ZNF180: variants seen among roughly 807,000 people sequenced by gnomAD.
The protein encoded by ZNF180 is zinc finger protein 180 (HHZ168).
In ZNF180, 11 loss-of-function variants were observed where a neutral mutation model predicts 11.8. The observed-to-expected ratio is 0.93, with a 90% CI of 0.59 to 1.55. ZNF180 has a LOEUF of 1.55. Among genes scored for constraint, ZNF180 ranks in the 40% most tolerant of loss-of-function variants. ZNF180 has a pLI of 0.00. For missense variants in ZNF180, 773 were observed against 781.7 expected (o/e 0.99, Z 0.13); for synonymous variants, 287 against 257.7 (o/e 1.11, Z -1.09).
intron 4 of ZNF180, 28 bp downstream of exon 4, chr19:44,479,255 T>C (rs373209272): frequency 6.2e-7 from 1 of 1,600,718 alleles, no homozygotes; most frequent in Non-Finnish European, 8.5e-7. Flanking sequence ...AGTAGATGGA[T>C]CTTCATTAAA....
At chr19:44,487,101 G>A (rs1052471198) in intron 2 of ZNF180, among the ~76,000 whole-genome samples, 5 of 152,150 alleles carry the variant, frequency 3.3e-5, no homozygotes, top group Non-Finnish European at 7.3e-5. Flanking sequence ...TGTGCCTACA[G>A]TCCCAGCTAC....
At chr19:44,490,110 G>C (rs1471239618) in intron 2 of ZNF180, among the ~76,000 whole-genome samples, 2 of 76,646 alleles carry the variant, frequency 2.6e-5, no homozygotes, top group African/African-American at 8.8e-5. Context: ...GAAAGGAAGG[G>C]AAAGAAAGAG....
At chr19:44,481,748 T>G (rs1970085783) in intron 3 of ZNF180, among the ~76,000 whole-genome samples, 1 of 152,226 alleles carries the variant, frequency 6.6e-6, no homozygotes, top group Non-Finnish European at 1.5e-5. Flanking sequence ...ATTTCACAAA[T>G]TATTTCAGTA....
chr19:44,477,147 G>T lies in ZNF180; in HGVS notation c.1253C>A (p.Ser418Ter), dbSNP rs1969922470. The T allele has an allele frequency of 6.2e-7, 1 of 1,613,158 alleles. No individual in the cohort carries two copies. Among genetic ancestry groups the T allele is most frequent in the Non-Finnish European group, 8.5e-7 (1 of 1,179,228 alleles). The change falls in exon 5 of 5, where the codon TCA becomes TAA. Residue 418 changes from serine (S) to a stop codon, truncating the protein, a stop_gained. Transcript: ENST00000592529. LOFTEE classifies it low-confidence loss of function (END_TRUNC). ...AATAAGTTTATAGCTCTGCCTGAAT[G>T]ACTTTCCACACTGATTGCATTCATA... ...KPYECNQCGKSFRQSYKLIAH... is the reference protein window; with the variant it reads ...KPYECNQCGK
At chr19:44,489,131 C>T (rs1323662365) in intron 2 of ZNF180, among the ~76,000 whole-genome samples, 2 of 146,722 alleles carry the variant, frequency 1.4e-5, no homozygotes, top group Middle Eastern at 3.5e-3. Context: ...CCCGGCCAGC[C>T]GCCCCGTCCG....
At chr19:44,482,080 T>C (rs556196625) in intron 3 of ZNF180, among the ~76,000 whole-genome samples, 29 of 152,222 alleles carry the variant, frequency 1.9e-4, no homozygotes, top group African/African-American at 6.7e-4. Flanking sequence ...CTGAGGTGGG[T>C]GGATCATTTC....
chr19:44,484,297 T>C, intron 3 of ZNF180, 64 bp downstream of exon 3: 1 of 1,393,300 alleles, frequency 7.2e-7, no homozygotes, highest in South Asian at 1.2e-5. Context: ...ATTTCCTCAC[T>C]TTCTACTCAC....
chr19:44,488,423 C>T (rs1236850285), intron 2 of ZNF180, among the ~76,000 whole-genome samples: 1 of 152,102 alleles, frequency 6.6e-6, no homozygotes, highest in Non-Finnish European at 1.5e-5. Flanking sequence ...CGCCGCCACG[C>T]CTGACTGGTT....
At position 44,476,975 on chromosome 19, in the gene ZNF180, A is replaced by G. The variant is rs1969910142; in HGVS notation, c.1425T>C (p.Phe475=). ...PYECNQCGKS[F]SQSYKLVAHQ... ...GAGCAACAAGTTTATAACTTTGACT[A>G]AAGGATTTCCCACACTGATTGCATT... is the stretch of plus-strand genomic sequence containing the variant. The change falls in exon 5 of 5, where the codon TTT becomes TTC. Residue 475 remains phenylalanine (F), a synonymous_variant. Coordinates refer to ENST00000592529, the MANE Select transcript of ZNF180 (RefSeq NM_001278509.3). The G allele has an allele frequency of 1.9e-6, 3 of 1,613,256 alleles. No homozygotes were observed. Among genetic ancestry groups the G allele is most frequent in the East Asian group, 2.2e-5 (1 of 44,786 alleles).
intron 1 of ZNF180, 155 bp downstream of exon 1, chr19:44,500,120 T>A: frequency 1.3e-6 from 2 of 1,599,344 alleles, no homozygotes; most frequent in Non-Finnish European, 1.7e-6. Flanking sequence ...TACAGCTGTA[T>A]CAGTAACTCC....
At chr19:44,482,152 A>C (rs1258435388) in intron 3 of ZNF180, among the ~76,000 whole-genome samples, 2 of 152,100 alleles carry the variant, frequency 1.3e-5, no homozygotes, top group African/African-American at 4.8e-5. Flanking sequence ...CTAAAAACAC[A>C]AAAAATTAGC....
intron 2 of ZNF180, among the ~76,000 whole-genome samples, chr19:44,491,211 G>A (rs555756786): frequency 2.4e-4 from 36 of 152,342 alleles, no homozygotes; most frequent in African/African-American, 8.7e-4. Flanking sequence ...CTAAAGCAAA[G>A]CTGAGCTCAA....
At chr19:44,479,832 T>C (rs1051162419) in intron 3 of ZNF180, among the ~76,000 whole-genome samples, 1 of 152,204 alleles carries the variant, frequency 6.6e-6, no homozygotes, top group African/African-American at 2.4e-5. Flanking sequence ...CCATACAGTC[T>C]CTATCACACT....
chr19:44,476,515 T>C lies in ZNF180; in HGVS notation c.1885A>G (p.Thr629Ala), dbSNP rs777540980. Residue 629 changes from threonine (T) to alanine (A), a missense_variant, in exon 5 of 5, where the codon ACT becomes GCT. Thr to Ala is a moderately conservative substitution (Grantham distance 58). Transcript: ENST00000592529. ...ATACATGTAAAGGGTTTCTCTCCAG[T>C]ATGAGTTCTTTGATGCACAATAAGT... is the stretch of plus-strand genomic sequence containing the variant. ...ARLIVHQRTH[T>A]GEKPFTCIQC... 6.2e-7 allele frequency: 1 copy of C among 1,614,164 alleles called. No homozygotes were observed. The highest frequency in any genetic ancestry group is 1.1e-5 in the South Asian group (1 of 91,076).
At chr19:44,489,214 G>A (rs1393825991) in intron 2 of ZNF180, among the ~76,000 whole-genome samples, 3 of 60,840 alleles carry the variant, frequency 4.9e-5, no homozygotes, top group Non-Finnish European at 8.3e-5. Flanking sequence ...GCCTCTGCCC[G>A]GCCACCACCC....
In ZNF180 at chr19:44,476,237, C is replaced by A. The variant is rs996001660; in HGVS notation, c.*165G>T. 1.7e-5 allele frequency: 11 copies of A among 634,724 alleles called. 1 individual carries two copies. Among genetic ancestry groups the A allele is most frequent in the African/African-American group, 1.5e-4 (8 of 53,672 alleles). 39.3% of individuals were successfully genotyped at this position (634,724 alleles called of 1,614,324 possible). On this transcript the variant is annotated 3_prime_UTR_variant, in exon 5 of 5. Transcript: ENST00000592529. Reference sequence around the variant, plus strand: ...TTGAAAAGTCGTTCATAGACTTTCCCCCTTTCTTTTCCAGAACAAATTTGA... The same window carrying A: ...TTGAAAAGTCGTTCATAGACTTTCCACCTTTCTTTTCCAGAACAAATTTGA...
At chr19:44,497,799 A>G (rs555498849) in intron 1 of ZNF180, among the ~76,000 whole-genome samples, 1 of 152,150 alleles carries the variant, frequency 6.6e-6, no homozygotes, top group South Asian at 2.1e-4. Context: ...TACAGCCCCA[A>G]ACCAGCACTT....
rs867039882 is a variant in ZNF180, at chr19:44,475,474, A to G, written c.*928T>C. ...CCAAAATTTCTAGTTACCTATTTCC[A>G]GGAATCCATTTTATTTTCAATGAGG... On this transcript the variant is annotated 3_prime_UTR_variant, in exon 5 of 5. Transcript: ENST00000592529. The G allele has an allele frequency of 6.6e-6, 1 of 152,218 alleles. No individual in the cohort carries two copies. The highest frequency in any genetic ancestry group is 2.4e-5 in the African/African-American group (1 of 41,454). The allele number at this position is 152,218 out of a possible 1,614,324, so 9.4% of individuals were successfully genotyped here.
chr19:44,481,890 G>A (rs1009543062), intron 3 of ZNF180, among the ~76,000 whole-genome samples: 1 of 152,134 alleles, frequency 6.6e-6, no homozygotes, highest in African/African-American at 2.4e-5. Context: ...CCCTCAATGT[G>A]CAGATACTAG....
Sources: allele counts gnomAD v4.1 joint callset (sites outside exome capture counted in the v4.1 genomes callset), GRCh38; gene constraint gnomAD v4.1.1; transcripts MANE v1.5; gene names NCBI Gene and HGNC (gene_info 2026-07-23, HGNC 2026-07-21).